Variants in GABRA4 observed in about 807,000 individuals in gnomAD.
GABRA4 encodes gamma-aminobutyric acid receptor subunit alpha-4.
Under a neutral mutation model 49.7 loss-of-function variants are expected in GABRA4, and 12 were observed. The observed-to-expected ratio is 0.24, with a 90% CI of 0.15 to 0.39. The LOEUF (loss-of-function observed/expected upper bound fraction) is 0.39, where lower values mean the gene tolerates loss of function less well. Ranked by LOEUF, GABRA4 falls within the 10% of genes least tolerant of loss-of-function variation. The probability of loss-of-function intolerance (pLI) is 1.00; values close to 1 mark genes in which losing one functional copy is unlikely to be tolerated. For missense variants in GABRA4, 506 were observed against 686.0 expected (o/e 0.74, Z 2.93); for synonymous variants, 288 against 240.2 (o/e 1.20, Z -1.84).
At chr4:46,931,344 T>C (rs1721429115) in intron 8 of GABRA4, among the ~76,000 whole-genome samples, 1 of 152,096 alleles carries the variant, frequency 6.6e-6, no homozygotes, top group Non-Finnish European at 1.5e-5. Context: ...TGGTATTGTC[T>C]AATGAATTTT....
intron 8 of GABRA4, among the ~76,000 whole-genome samples, chr4:46,959,600 T>G (rs2221855): frequency 0.37 from 56,128 of 151,146 alleles, 10,938 homozygotes; most frequent in East Asian, 0.6. Context: ...TGGCAATTGC[T>G]GTAGTCAGGA....
intron 8 of GABRA4, among the ~76,000 whole-genome samples, chr4:46,943,440 A>G (rs1721883197): frequency 6.6e-6 from 1 of 152,088 alleles, no homozygotes; most frequent in South Asian, 2.1e-4. Flanking sequence ...TAACATCCTT[A>G]TGCACCTTTT....
intron 8 of GABRA4, among the ~76,000 whole-genome samples, chr4:46,936,244 C>CT (rs902663627): frequency 6.6e-6 from 1 of 152,068 alleles, no homozygotes; most frequent in Non-Finnish European, 1.5e-5. Flanking sequence ...ATCACTGTTT[C>CT]TTTTATTCCT....
intron 2 of GABRA4, among the ~76,000 whole-genome samples, chr4:46,991,229 A>G (rs1375087301): frequency 5.3e-5 from 8 of 152,102 alleles, no homozygotes; most frequent in African/African-American, 1.9e-4. Flanking sequence ...CAATACCCTC[A>G]ATGACTTCCC....
rs569445511 is a variant in GABRA4, at chr4:46,961,880, G to A, written c.1134+3090C>T. ...GAGGAAAGAGAGTGAGAGGGGCGCT[G>A]CTTGTTTGCTTCTATGTTTTTATGA... On this transcript the variant is annotated intron_variant, in intron 8 of 8. Coordinates refer to ENST00000264318, the MANE Select transcript of GABRA4 (RefSeq NM_000809.4). Among the ~76,000 whole-genome samples, 22 of 151,900 alleles carry A rather than the reference G, an allele frequency of 1.4e-4. 1 individual carries two copies. The highest frequency in any genetic ancestry group is 5.3e-4 in the African/African-American group (22 of 41,490).
intron 2 of GABRA4, among the ~76,000 whole-genome samples, chr4:46,985,127 T>G (rs1723487393): frequency 6.6e-6 from 1 of 152,048 alleles, no homozygotes; most frequent in Admixed American, 6.6e-5. Context: ...TAAGAATGAT[T>G]TTTAGCAATA....
At chr4:46,985,543 T>C (rs1723502934) in intron 2 of GABRA4, among the ~76,000 whole-genome samples, 1 of 152,054 alleles carries the variant, frequency 6.6e-6, no homozygotes, top group Non-Finnish European at 1.5e-5. Context: ...AATAAATATA[T>C]AAGAAAGGCT....
At chr4:46,957,591 C>A (rs1722411410) in intron 8 of GABRA4, among the ~76,000 whole-genome samples, 1 of 151,948 alleles carries the variant, frequency 6.6e-6, no homozygotes, top group Non-Finnish European at 1.5e-5. Context: ...ATGGAAATCT[C>A]CACTTATCTA....
intron 8 of GABRA4, among the ~76,000 whole-genome samples, chr4:46,948,751 A>G (rs1722065927): frequency 6.6e-6 from 1 of 152,038 alleles, no homozygotes; most frequent in South Asian, 2.1e-4. Context: ...ATGAAACGTT[A>G]AGGTATCTTT....
intron 8 of GABRA4, among the ~76,000 whole-genome samples, chr4:46,954,911 C>T (rs1211481827): frequency 3.3e-5 from 5 of 152,048 alleles, no homozygotes; most frequent in South Asian, 2.1e-4. Flanking sequence ...ACCAAAATAC[C>T]AAGGCTCAGT....
chr4:46,933,709 G>C (rs1049775488), intron 8 of GABRA4, among the ~76,000 whole-genome samples: 1 of 152,156 alleles, frequency 6.6e-6, no homozygotes, highest in Non-Finnish European at 1.5e-5. Flanking sequence ...TAATGTGTCA[G>C]AGTGATGTTG....
intron 8 of GABRA4, among the ~76,000 whole-genome samples, chr4:46,955,765 C>T (rs7683472): frequency 0.52 from 78,514 of 151,848 alleles, 20,552 homozygotes; most frequent in East Asian, 0.66. Context: ...CAGTAAAAAT[C>T]TGGCAGTAAG....
At chr4:46,954,411 G>A (rs1312103571) in intron 8 of GABRA4, among the ~76,000 whole-genome samples, 1 of 151,866 alleles carries the variant, frequency 6.6e-6, no homozygotes, top group Non-Finnish European at 1.5e-5. Flanking sequence ...CAAAAAATTA[G>A]TTGGGCATTG....
chr4:46,991,070 C>T (rs879759952), intron 2 of GABRA4, among the ~76,000 whole-genome samples: 9 of 152,066 alleles, frequency 5.9e-5, no homozygotes, highest in Non-Finnish European at 8.8e-5. Flanking sequence ...CCTGTAATCC[C>T]AGCTACTCTG....
At chr4:46,940,338 T>C (rs1296271355) in intron 8 of GABRA4, among the ~76,000 whole-genome samples, 1 of 152,098 alleles carries the variant, frequency 6.6e-6, no homozygotes, top group African/African-American at 2.4e-5. Flanking sequence ...GGTATCAACA[T>C]GAGCTCTATC....
chr4:46,937,124 C>T (rs1019466777), intron 8 of GABRA4, among the ~76,000 whole-genome samples: 3 of 152,240 alleles, frequency 2.0e-5, no homozygotes, highest in East Asian at 1.9e-4. Flanking sequence ...GGAACTGGTG[C>T]CCTCATAAAA....
intron 8 of GABRA4, among the ~76,000 whole-genome samples, chr4:46,959,707 GT>G (rs1722495870): frequency 7.7e-6 from 1 of 130,228 alleles, no homozygotes; most frequent in Non-Finnish European, 1.6e-5. Flanking sequence ...GTACTTTGAA[GT>G]GTTTAGAATA....
At chr4:46,976,977 G>A (rs1166411101) in intron 5 of GABRA4, 84 bp downstream of exon 5, 1 of 766,190 alleles carries the variant, frequency 1.3e-6, no homozygotes, top group Non-Finnish European at 2.2e-6. Context: ...TTAAATGTTG[G>A]ATTATGAAAA....
chr4:46,938,873 C>T (rs1329868655), intron 8 of GABRA4, among the ~76,000 whole-genome samples: 2 of 151,872 alleles, frequency 1.3e-5, no homozygotes, highest in African/African-American at 2.4e-5. Context: ...TTTTGCTGGG[C>T]ATTGGGAGCA....
Sources: gnomAD v4.1 joint callset for allele counts (sites outside exome capture counted in the v4.1 genomes callset) on GRCh38, gnomAD v4.1.1 for gene constraint, MANE v1.5 for transcripts, NCBI Gene and HGNC (gene_info 2026-07-23, HGNC 2026-07-21) for gene names.